The following AFTPH variants were observed in gnomAD, a reference collection of about 807,000 sequenced individuals.
The protein encoded by AFTPH is aftiphilin.
A neutral mutation model predicts 72.5 loss-of-function variants in AFTPH; 7 were observed. That is an observed-to-expected ratio of 0.10 (90% CI 0.05 to 0.18). The LOEUF is 0.18. Ranked by LOEUF, AFTPH falls within the 10% of genes least tolerant of loss-of-function variation. The pLI is 1.00. For synonymous variants in AFTPH, 337 were observed against 370.1 expected (o/e 0.91, Z 1.03); for missense variants, 979 against 1,060.5 (o/e 0.92, Z 1.07).
At chr2:64,578,332 A>T (rs1420752433) in intron 6 of AFTPH, among the ~76,000 whole-genome samples, 1 of 152,244 alleles carries the variant, frequency 6.6e-6, no homozygotes, top group Non-Finnish European at 1.5e-5. Context: ...CCAAAAAAAG[A>T]CGATAACATT....
At chr2:64,541,971 C>T (rs1670281228) in intron 1 of AFTPH, among the ~76,000 whole-genome samples, 1 of 152,124 alleles carries the variant, frequency 6.6e-6, no homozygotes, top group Non-Finnish European at 1.5e-5. Context: ...CTTTTATCAC[C>T]ATCCTTCTTT....
intron 1 of AFTPH, among the ~76,000 whole-genome samples, chr2:64,548,642 C>A (rs1369712580): frequency 6.6e-6 from 1 of 151,996 alleles, no homozygotes; most frequent in Non-Finnish European, 1.5e-5. Flanking sequence ...TTCCTTTCCC[C>A]ACATTCTCAT....
chr2:64,552,201 A>T, exon 2 of AFTPH: 1 of 1,613,944 alleles, frequency 6.2e-7, no homozygotes, highest in Non-Finnish European at 8.5e-7. Context: ...AAAGGAAAGG[A>T]TACAATTAGA....
chr2:64,589,119 C>T (rs1673673430), intron 8 of AFTPH, among the ~76,000 whole-genome samples: 2 of 152,050 alleles, frequency 1.3e-5, no homozygotes, highest in Admixed American at 1.3e-4. Context: ...AATCATTGCC[C>T]AATTCATGGT....
chr2:64,527,612 ATTTAAC>A (rs1669358110), intron 1 of AFTPH, among the ~76,000 whole-genome samples: 1 of 152,074 alleles, frequency 6.6e-6, no homozygotes. Context: ...AAGTTTAGGT[ATTTAAC>A]TTTAAAACAT....
intron 2 of AFTPH, among the ~76,000 whole-genome samples, chr2:64,559,650 C>A (rs1207641981): frequency 6.6e-6 from 1 of 152,198 alleles, no homozygotes; most frequent in African/African-American, 2.4e-5. Flanking sequence ...CAATTCAAAT[C>A]TTAATCTCAT....
At chr2:64,561,513 C>CA (rs1281968767) in intron 2 of AFTPH, among the ~76,000 whole-genome samples, 1 of 151,834 alleles carries the variant, frequency 6.6e-6, no homozygotes, top group African/African-American at 2.4e-5. Context: ...GCCATCTCTA[C>CA]AAAAAATAAA....
chr2:64,540,169 A>G (rs954026055), intron 1 of AFTPH, among the ~76,000 whole-genome samples: 1 of 152,168 alleles, frequency 6.6e-6, no homozygotes, highest in African/African-American at 2.4e-5. Context: ...GCAGAGTTTC[A>G]GGGATATGAG....
At chr2:64,582,620 A>AC (rs1281219768) in intron 7 of AFTPH, among the ~76,000 whole-genome samples, 1 of 151,842 alleles carries the variant, frequency 6.6e-6, no homozygotes, top group Non-Finnish European at 1.5e-5. Context: ...TAGAATACTT[A>AC]CGGGGGGGTA....
exon 8 of AFTPH, chr2:64,585,479 G>A (rs186433411): frequency 1.2e-6 from 2 of 1,613,712 alleles, no homozygotes; most frequent in Admixed American, 3.3e-5. Flanking sequence ...TCCACCTCAA[G>A]CCTCAAAGTG....
intron 2 of AFTPH, among the ~76,000 whole-genome samples, chr2:64,563,748 G>C (rs1292198643): frequency 6.6e-6 from 1 of 152,138 alleles, no homozygotes; most frequent in Non-Finnish European, 1.5e-5. Context: ...TGGGATTACA[G>C]GCACCAGCCA....
At chr2:64,581,382 T>C (rs1242336487) in intron 7 of AFTPH, 109 bp downstream of exon 8, 115 of 835,442 alleles carry the variant, frequency 1.4e-4, no homozygotes, top group Non-Finnish European at 6.7e-5. Flanking sequence ...CTCTATAATG[T>C]CTTTTTAATA....
At chr2:64,526,108 G>A (rs1273683972) in intron 1 of AFTPH, among the ~76,000 whole-genome samples, 1 of 152,194 alleles carries the variant, frequency 6.6e-6, no homozygotes, top group Non-Finnish European at 1.5e-5. Context: ...TTTTGACCTA[G>A]AGACTGTTAA....
Position 64,553,435 on chromosome 2 carries a change from T to A in AFTPH, c.1935+26T>A, listed in dbSNP as rs199841543. 1.2e-3 allele frequency: 1,902 copies of A among 1,529,226 alleles called. 3 individuals carry two copies. Among genetic ancestry groups the A allele is most frequent in the Non-Finnish European group, 1.3e-3 (1,535 of 1,145,212 alleles). The allele number at this position is 1,529,226 out of a possible 1,614,324, so 94.7% of individuals were successfully genotyped here. A position where few individuals can be genotyped will look rare whatever the true frequency, so the allele number is the denominator to read the frequency against. On this transcript the variant is annotated intron_variant, in intron 2 of 8. Coordinates refer to ENST00000238856, the Ensembl canonical transcript of AFTPH. ...GTATTTACTAATTTTCTCTATTTTG[T>A]ATGATGTATTAATTGTTGTGGAGGC... is the stretch of plus-strand genomic sequence containing the variant.
intron 1 of AFTPH, among the ~76,000 whole-genome samples, chr2:64,543,703 G>A (rs141861241): frequency 0.016 from 2,388 of 152,256 alleles, 24 homozygotes; most frequent in Non-Finnish European, 0.024. Flanking sequence ...TTGATATCAG[G>A]TAGTTTAAGT....
chr2:64,536,868 G>T (rs1258158505), intron 1 of AFTPH, among the ~76,000 whole-genome samples: 1 of 148,106 alleles, frequency 6.8e-6, no homozygotes, highest in East Asian at 2.0e-4. Flanking sequence ...TGGGAGGATT[G>T]CTTGAACCCA....
intron 8 of AFTPH, among the ~76,000 whole-genome samples, chr2:64,591,437 C>T (rs1286312572): frequency 6.6e-6 from 1 of 152,230 alleles, no homozygotes; most frequent in Non-Finnish European, 1.5e-5. Context: ...GTTAAAATGA[C>T]TTAGTCTTTC....
At chr2:64,576,175 TTACATA>T (rs1383393889) in intron 6 of AFTPH, among the ~76,000 whole-genome samples, 8 of 146,094 alleles carry the variant, frequency 5.5e-5, no homozygotes, top group South Asian at 4.3e-4. Context: ...ATATATGGAT[TTACATA>T]TACATATATA....
chr2:64,554,694 A>G (rs1671252690), intron 2 of AFTPH, among the ~76,000 whole-genome samples: 2 of 152,320 alleles, frequency 1.3e-5, no homozygotes, highest in South Asian at 4.1e-4. Flanking sequence ...GGTTTAGCTA[A>G]TGTGTATTAT....
Sources: allele counts gnomAD v4.1 joint callset (sites outside exome capture counted in the v4.1 genomes callset), GRCh38; gene constraint gnomAD v4.1.1; transcripts MANE v1.5; gene names NCBI Gene and HGNC (gene_info 2026-07-23, HGNC 2026-07-21).